The following NUP98 variants were observed in gnomAD, a reference collection of about 807,000 sequenced individuals.
NUP98 encodes nuclear pore complex protein Nup98-Nup96.
A neutral mutation model predicts 191.9 loss-of-function variants in NUP98; 26 were observed. That is an observed-to-expected ratio of 0.14 (90% CI 0.10 to 0.19). The LOEUF is 0.19. Among genes scored for constraint, NUP98 ranks in the 10% least tolerant of loss-of-function variants. The pLI is 1.00. For missense variants in NUP98, 1,941 were observed against 2,178.8 expected, an observed-to-expected ratio of 0.89 and a Z score of 2.17; for synonymous variants, 808 against 778.4, an observed-to-expected ratio of 1.04 and a Z score of -0.63.
At chr11:3,737,873 A>T (rs1217041560) in intron 12 of NUP98, among the ~76,000 whole-genome samples, 3 of 151,996 alleles carry the variant, frequency 2.0e-5, no homozygotes, top group African/African-American at 7.3e-5. Context: ...CAAAAAATAA[A>T]GAAAAGTTTT....
chr11:3,735,805 AATAAT>A (rs2080030690), intron 12 of NUP98, among the ~76,000 whole-genome samples: 1 of 141,982 alleles, frequency 7.0e-6, no homozygotes, highest in Admixed American at 7.2e-5. Flanking sequence ...GTCTAAAGGA[AATAAT>A]ATGACAGTAT....
intron 18 of NUP98, 40 bp downstream of exon 18, chr11:3,719,372 G>C: frequency 6.5e-7 from 1 of 1,546,526 alleles, no homozygotes; most frequent in Non-Finnish European, 8.7e-7. Flanking sequence ...AAAAAATTGT[G>C]ATTTAGCTGA....
chr11:3,773,862 T>C (rs2081613306), intron 5 of NUP98, 123 bp from the exon 6 acceptor site: 2 of 557,210 alleles, frequency 3.6e-6, no homozygotes, highest in African/African-American at 1.9e-5. Context: ...CTGAGATGGT[T>C]TCAAGGGTGC....
At position 3,719,508 on chromosome 11, in the gene NUP98, T is replaced by C. The variant is rs777351211; in HGVS notation, c.2303A>G (p.Asn768Ser). 2.9e-5 allele frequency: 46 copies of C among 1,591,570 alleles called. No homozygotes were observed. Among genetic ancestry groups the C allele is most frequent in the Non-Finnish European group, 3.8e-5 (44 of 1,171,418 alleles). The change falls in exon 18 of 33, where the codon AAT becomes AGT. Residue 768 changes from asparagine (N) to serine (S), a missense_variant. Physicochemically the swap from Asn to Ser is conservative, Grantham distance 46. This residue lies in a region of NUP98 where 453 missense variants were observed against 438.2 expected (regional missense o/e 1.03). Transcript: ENST00000324932. ...ATGCACAATATCATCCAAATTTAGA[T>C]TTGTCAAATTCACATCTCCTTCAAA... ...IYFEGDVNLT[N>S]LNLDDIVHIR...
chr11:3,780,374 A>C (rs7480489), intron 2 of NUP98, among the ~76,000 whole-genome samples: 66,231 of 132,040 alleles, frequency 0.5, 15,049 homozygotes, highest in African/African-American at 0.59. Flanking sequence ...ACTTAAAATA[A>C]AAAAAAAAAA....
intron 17 of NUP98, among the ~76,000 whole-genome samples, chr11:3,720,216 A>G (rs1282799979): frequency 1.3e-5 from 2 of 152,228 alleles, no homozygotes; most frequent in Non-Finnish European, 2.9e-5. Flanking sequence ...AATATAGCAC[A>G]GTGGCATTTC....
chr11:3,763,562 T>C (rs999903213), intron 8 of NUP98, among the ~76,000 whole-genome samples: 4 of 152,120 alleles, frequency 2.6e-5, no homozygotes, highest in Admixed American at 1.3e-4. Flanking sequence ...TAAAGAGCCT[T>C]AATTCCTTTT....
intron 1 of NUP98, 57 bp from the exon 2 acceptor site, chr11:3,782,202 T>C: frequency 1.1e-6 from 1 of 944,138 alleles, no homozygotes; most frequent in East Asian, 2.6e-5. Context: ...AATATAATTG[T>C]TTTAGAAAAT....
At chr11:3,685,060 A>G (rs976819798) in intron 29 of NUP98, among the ~76,000 whole-genome samples, 2 of 152,240 alleles carry the variant, frequency 1.3e-5, no homozygotes, top group Non-Finnish European at 2.9e-5. Context: ...AACAGAGATA[A>G]TAACAGTGTC....
At chr11:3,698,632 C>G (rs1398381527) in intron 25 of NUP98, among the ~76,000 whole-genome samples, 1 of 141,394 alleles carries the variant, frequency 7.1e-6, no homozygotes, top group East Asian at 2.1e-4. Flanking sequence ...GAGGCTGAGG[C>G]AAGAGAATCG....
intron 28 of NUP98, among the ~76,000 whole-genome samples, chr11:3,689,273 T>A (rs1214912269): frequency 2.6e-5 from 4 of 152,026 alleles, no homozygotes; most frequent in African/African-American, 7.2e-5. Context: ...GCGCCTGTAA[T>A]CCCAGCACTT....
rs761415349 is a variant in NUP98, at chr11:3,679,642, C to A, written c.4985G>T (p.Arg1662Leu). Residue 1662 changes from arginine (R) to leucine (L), a missense_variant, in exon 31 of 33, where the codon CGC (arginine) becomes CTC (leucine). Coordinates refer to ENST00000324932, the MANE Select transcript of NUP98 (RefSeq NM_016320.5). Reference sequence around the variant, plus strand: ...TTCCCAATCCTGAATTAGGCTGCTGCGCTCTGGAGGTGCCAGGTCTTCCAA... The same window carrying A: ...TTCCCAATCCTGAATTAGGCTGCTGAGCTCTGGAGGTGCCAGGTCTTCCAA... ...GFLEDLAPPERSSLIQDWETS... is the reference protein window; with the variant it reads ...GFLEDLAPPELSSLIQDWETS... 6.2e-7 allele frequency: 1 copy of A among 1,614,162 alleles called. No individual in the cohort carries two copies. Among genetic ancestry groups the A allele is most frequent in the East Asian group, 2.2e-5 (1 of 44,886 alleles).
At chr11:3,692,138 G>A (rs546034676) in intron 27 of NUP98, among the ~76,000 whole-genome samples, 2 of 152,036 alleles carry the variant, frequency 1.3e-5, no homozygotes, top group East Asian at 1.9e-4. Context: ...CATATTACCC[G>A]TCTGACATAA....
intron 8 of NUP98, among the ~76,000 whole-genome samples, chr11:3,764,853 A>G (rs1589914486): frequency 6.6e-6 from 1 of 152,140 alleles, no homozygotes; most frequent in Non-Finnish European, 1.5e-5. Context: ...GCTGGGATTA[A>G]AGGCGTGAGC....
chr11:3,755,899 G>T (rs930198230), intron 10 of NUP98, among the ~76,000 whole-genome samples: 3 of 152,098 alleles, frequency 2.0e-5, no homozygotes, highest in Non-Finnish European at 4.4e-5. Context: ...GGAGGCGAAG[G>T]TTGCAGTGAG....
chr11:3,682,690 T>C (rs1444785306), intron 30 of NUP98, among the ~76,000 whole-genome samples: 1 of 152,200 alleles, frequency 6.6e-6, no homozygotes, highest in African/African-American at 2.4e-5. Flanking sequence ...AAGTCTGAAA[T>C]AATGTGAGAA....
chr11:3,795,429 G>A (rs2082495116), intron 1 of NUP98, among the ~76,000 whole-genome samples: 1 of 152,168 alleles, frequency 6.6e-6, no homozygotes, highest in South Asian at 2.1e-4. Flanking sequence ...CTGGGTGATG[G>A]AGTGAGACCC....
rs149281351 is a variant in NUP98 at position 3,782,868 on chromosome 11, T to C, written c.-28-723A>G. Among the ~76,000 whole-genome samples, 271 of 152,248 alleles carry C rather than the reference T, an allele frequency of 1.8e-3. 2 individuals carry two copies. Among genetic ancestry groups the C allele is most frequent in the Non-Finnish European group, 1.3e-3 (90 of 68,024 alleles). ...CCACCGCACCCGGCCAAGGCTTTAT[T>C]TTCCATAGTTTGCATTATAAAGTTT... is the stretch of plus-strand genomic sequence containing the variant. On this transcript the variant is annotated intron_variant, in intron 1 of 32. Transcript: ENST00000324932.
At chr11:3,796,215 T>C (rs2134011644) in intron 1 of NUP98, among the ~76,000 whole-genome samples, 1 of 152,344 alleles carries the variant, frequency 6.6e-6, no homozygotes, top group African/African-American at 2.4e-5. Flanking sequence ...TATTCTACTA[T>C]AATACTTCAC....
Sources: allele counts gnomAD v4.1 joint callset (sites outside exome capture counted in the v4.1 genomes callset), GRCh38; gene constraint gnomAD v4.1.1; regional missense constraint gnomAD v4.1.1; transcripts MANE v1.5; gene names NCBI Gene and HGNC (gene_info 2026-07-23, HGNC 2026-07-21).